SHISA9: variants seen among roughly 807,000 people sequenced by gnomAD.
SHISA9 encodes protein shisa-9.
In SHISA9, 13 loss-of-function variants were observed where a neutral mutation model predicts 38.0. The ratio of observed to expected loss-of-function variants is 0.34; its 90% confidence interval spans 0.22 to 0.54. SHISA9 has a LOEUF of 0.54. Ranked by LOEUF, SHISA9 falls within the 20% of genes least tolerant of loss-of-function variation. The pLI, the probability that SHISA9 is intolerant of heterozygous loss-of-function variation, is 0.91. For missense variants in SHISA9, 538 were observed against 575.8 expected (o/e 0.93, Z 0.67); for synonymous variants, 275 against 242.0 (o/e 1.14, Z -1.27).
At chr16:12,945,383 C>T (rs2071675424) in intron 2 of SHISA9, among the ~76,000 whole-genome samples, 1 of 152,000 alleles carries the variant, frequency 6.6e-6, no homozygotes, top group Non-Finnish European at 1.5e-5. Flanking sequence ...ATGGATATTT[C>T]GTTTGGATTC....
chr16:13,416,743 A>G, the SHISA9 span, among the ~76,000 whole-genome samples: 114 of 113,508 alleles, frequency 1.0e-3, no homozygotes, highest in South Asian at 4.0e-3. Context: ...AGAAAGAAAG[A>G]AAGGAAGGAA....
intron 2 of SHISA9, among the ~76,000 whole-genome samples, chr16:13,071,587 TCCTTCCTTCCTTCCCTTTCTTC>T (rs1034063244): frequency 7.0e-6 from 1 of 142,678 alleles, no homozygotes; most frequent in African/African-American, 2.8e-5. Flanking sequence ...CTCCCTTCCT[TCCTTCCTTCCTTCCCTTTCTTC>T]CCTTCCTTCC....
chr16:13,205,980 G>A (rs1185389815), intron 3 of SHISA9, among the ~76,000 whole-genome samples: 1 of 150,738 alleles, frequency 6.6e-6, no homozygotes, highest in Non-Finnish European at 1.5e-5. Flanking sequence ...TGCTCAGCTG[G>A]TCTCGAACTC....
At chr16:13,346,771 A>G in the SHISA9 span, among the ~76,000 whole-genome samples, 1 of 152,182 alleles carries the variant, frequency 6.6e-6, no homozygotes, top group Non-Finnish European at 1.5e-5. Context: ...CCCCTACCAT[A>G]CCGTATACAC....
In SHISA9 at chr16:13,181,267, T is replaced by A. The variant is rs12930496; in HGVS notation, c.692-22127T>A. Among the ~76,000 whole-genome samples the A allele has an allele frequency of 8.3e-3, 664 of 79,684 alleles. 4 individuals carry two copies. The highest frequency in any genetic ancestry group is 0.017 in the African/African-American group (341 of 20,076). The allele number at this position is 79,684 out of a possible 152,430, so 52.3% of individuals were successfully genotyped here. A position where few individuals can be genotyped will look rare whatever the true frequency, so the allele number is the denominator to read the frequency against. ...AGAAAGTCTTTCCTAAAATAAAATT[T>A]TATATATATATATATATATATATAT... On this transcript the variant is annotated intron_variant, in intron 2 of 4. Coordinates refer to ENST00000558583, the MANE Select transcript of SHISA9 (RefSeq NM_001145204.3).
At chr16:13,314,247 C>G in the SHISA9 span, among the ~76,000 whole-genome samples, 1 of 150,886 alleles carries the variant, frequency 6.6e-6, no homozygotes, top group Admixed American at 6.6e-5. Context: ...CAGTTTCACT[C>G]TTGTCTCCCA....
At chr16:13,283,340 G>A in the SHISA9 span, among the ~76,000 whole-genome samples, 3 of 152,040 alleles carry the variant, frequency 2.0e-5, no homozygotes, top group East Asian at 1.9e-4. Flanking sequence ...AGGCCAAAGC[G>A]GTAGGTCTTA....
Position 13,087,858 on chromosome 16 carries a change from G to A in SHISA9, c.692-115536G>A, listed in dbSNP as rs543471860. ...CCATTTGTCTATTTTGGCTTTTGTT[G>A]CCATTGCTTTTGGTGTTTTAGTTAT... is the stretch of plus-strand genomic sequence containing the variant. On this transcript the variant is annotated intron_variant, in intron 2 of 4. Coordinates refer to ENST00000558583, the MANE Select transcript of SHISA9 (RefSeq NM_001145204.3). Among the ~76,000 whole-genome samples the A allele has an allele frequency of 8.5e-5, 13 of 152,294 alleles. No individual in the cohort carries two copies. In the East Asian group the frequency reaches 2.5e-3, roughly 29 times the overall value.
intron 2 of SHISA9, among the ~76,000 whole-genome samples, chr16:12,919,122 T>A (rs11646217): frequency 0.24 from 36,072 of 152,012 alleles, 4,441 homozygotes; most frequent in East Asian, 0.34. Context: ...AGATAACTGA[T>A]ATTAATCAGT....
the SHISA9 span, among the ~76,000 whole-genome samples, chr16:13,272,248 A>G: frequency 1.3e-5 from 2 of 152,144 alleles, no homozygotes; most frequent in African/African-American, 2.4e-5. Context: ...ATAAAGTAGG[A>G]AGAAACAATA....
At chr16:12,943,324 TGTGTGTGAGAGAGAGAGAGA>T (rs2071643844) in intron 2 of SHISA9, among the ~76,000 whole-genome samples, 9 of 21,072 alleles carry the variant, frequency 4.3e-4, no homozygotes, top group African/African-American at 1.4e-3. Context: ...TGTGTGTGTG[TGTGTGTGAGAGAGAGAGAGA>T]GAGAGAGAGA....
chr16:13,441,272 G>A, the SHISA9 span, among the ~76,000 whole-genome samples: 1 of 152,194 alleles, frequency 6.6e-6, no homozygotes, highest in African/African-American at 2.4e-5. Context: ...CAGGCTCAGA[G>A]GGACACAAAA....
chr16:13,500,380 A>C, the SHISA9 span, among the ~76,000 whole-genome samples: 2 of 151,996 alleles, frequency 1.3e-5, no homozygotes, highest in Non-Finnish European at 2.9e-5. Context: ...TCTTCATAGC[A>C]GTGTGAGAAA....
chr16:13,182,969 GA>G (rs1253116635), intron 2 of SHISA9, among the ~76,000 whole-genome samples: 3 of 152,230 alleles, frequency 2.0e-5, no homozygotes, highest in Non-Finnish European at 4.4e-5. Flanking sequence ...TCTGGCAATG[GA>G]TACTGGCTGT....
intron 2 of SHISA9, among the ~76,000 whole-genome samples, chr16:13,173,190 C>T (rs947951306): frequency 6.7e-6 from 1 of 149,142 alleles, no homozygotes; most frequent in Admixed American, 6.7e-5. Context: ...TTCATTCTCA[C>T]TCATTTACCA....
At chr16:13,019,884 CTTCTTTCTTTCTTTCTTTCT>C (rs1166778591) in intron 2 of SHISA9, among the ~76,000 whole-genome samples, 224 of 20,784 alleles carry the variant, frequency 0.011, 2 homozygotes, top group Non-Finnish European at 0.016. Flanking sequence ...CCCTCCCTCC[CTTCTTTCTTTCTTTCTTTCT>C]TTCTTTCTTT....
chr16:12,973,786 G>T (rs2072117604), intron 2 of SHISA9, among the ~76,000 whole-genome samples: 1 of 152,174 alleles, frequency 6.6e-6, no homozygotes. Context: ...AGTGGAAAGA[G>T]CACTGAATTG....
chr16:13,295,255 T>C, the SHISA9 span, among the ~76,000 whole-genome samples: 1 of 152,160 alleles, frequency 6.6e-6, no homozygotes. Context: ...AAGGAAAATA[T>C]ATCTGGGCTG....
chr16:13,108,377 G>T (rs977997972), intron 2 of SHISA9, among the ~76,000 whole-genome samples: 8 of 152,100 alleles, frequency 5.3e-5, no homozygotes, highest in Non-Finnish European at 1.2e-4. Flanking sequence ...CAATCCTCCT[G>T]CCTTGGCTTC....
Sources: gnomAD v4.1 joint callset for allele counts (sites outside exome capture counted in the v4.1 genomes callset) on GRCh38, gnomAD v4.1.1 for gene constraint, MANE v1.5 for transcripts, NCBI Gene and HGNC (gene_info 2026-07-23, HGNC 2026-07-21) for gene names.